The following HRK variants were observed in gnomAD, a reference collection of about 807,000 sequenced individuals.
The protein encoded by HRK is harakiri, BCL2 interacting protein.
Under a neutral mutation model 5.9 loss-of-function variants are expected in HRK, and 6 were observed. That is an observed-to-expected ratio of 1.02 (90% CI 0.56 to 2.01). The LOEUF (loss-of-function observed/expected upper bound fraction) is 2.01. HRK is among the 30% of genes most tolerant of loss of function. HRK has a pLI of 0.00. For synonymous variants in HRK, 85 were observed against 65.1 expected, an observed-to-expected ratio of 1.31 and a Z score of -1.47; for missense variants, 133 against 128.3, an observed-to-expected ratio of 1.04 and a Z score of -0.18.
At chr12:116,877,502 C>T (rs1274547826) in intron 1 of HRK, among the ~76,000 whole-genome samples, 1 of 152,236 alleles carries the variant, frequency 6.6e-6, no homozygotes, top group East Asian at 1.9e-4. Context: ...TTAAGAGTCT[C>T]TTAACCATTA....
intron 1 of HRK, chr12:116,869,375 G>A (rs1156439719): frequency 6.6e-6 from 1 of 152,114 alleles, no homozygotes; most frequent in East Asian, 1.9e-4. Context: ...TACTGCACTG[G>A]AGTAGATTAT....
At chr12:116,865,067 C>T (rs758457938) in intron 1 of HRK, among the ~76,000 whole-genome samples, 4 of 152,162 alleles carry the variant, frequency 2.6e-5, no homozygotes, top group Non-Finnish European at 4.4e-5. Flanking sequence ...CTTGAACCCA[C>T]AAGGTCCTGC....
chr12:116,873,279 C>T (rs1565884699), intron 1 of HRK, among the ~76,000 whole-genome samples: 1 of 152,172 alleles, frequency 6.6e-6, no homozygotes, highest in Non-Finnish European at 1.5e-5. Context: ...GGATTACAGG[C>T]ACATGCCACC....
chr12:116,873,484 C>T (rs916460322), intron 1 of HRK, among the ~76,000 whole-genome samples: 1 of 103,720 alleles, frequency 9.6e-6, no homozygotes, highest in African/African-American at 2.5e-5. Context: ...ATCCTCCTAC[C>T]TCACTCAGCC....
At chr12:116,873,962 G>T (rs556706599) in intron 1 of HRK, among the ~76,000 whole-genome samples, 136 of 152,332 alleles carry the variant, frequency 8.9e-4, no homozygotes, top group Non-Finnish European at 1.4e-3. Context: ...AGCCAGTGCT[G>T]AGTTGAATGG....
intron 1 of HRK, 107 bp downstream of exon 1, chr12:116,880,869 A>G: frequency 2.7e-6 from 1 of 377,252 alleles, no homozygotes; most frequent in Non-Finnish European, 4.6e-6. Context: ...GAAGAAGGAG[A>G]AGGGAAAAGA....
chr12:116,868,970 T>C (rs2137248269), intron 1 of HRK, among the ~76,000 whole-genome samples: 1 of 42,578 alleles, frequency 2.3e-5, no homozygotes, highest in Non-Finnish European at 1.2e-4. Context: ...TCTTCTTCGT[T>C]TTTTTTTTTT....
At position 116,878,386 on chromosome 12, in the gene HRK, C is replaced by A. The variant is rs1279848044; in HGVS notation, c.*56+2590G>T. ...TTTAGGGTAGGGAAGGTGGAGAGCA[C>A]CCCATATCCAGCATAGAACGCAACA... On this transcript the variant is annotated intron_variant, in intron 1 of 1. Coordinates refer to ENST00000257572, the MANE Select transcript of HRK (RefSeq NM_003806.4). This position sits in a 1 kb window ranked among gnomAD's most constrained non-coding sequence, Gnocchi z 4.4. 3 of 152,274 alleles carry A rather than the reference C, an allele frequency of 2.0e-5. No homozygotes were observed. 9.4% of individuals were successfully genotyped at this position (152,274 alleles called of 1,614,324 possible). A position where few individuals can be genotyped will look rare whatever the true frequency, so the allele number is the denominator to read the frequency against.
rs1007470542 is a variant in HRK at position 116,879,822 on chromosome 12, G to T, written c.*56+1154C>A. ...TCAGGCGCCGCTCCAACTTCCCAGG[G>T]TGTCTGCGGCGCGCGGCGGGGCTCG... On this transcript the variant is annotated intron_variant, in intron 1 of 1. Transcript: ENST00000257572. The surrounding 1 kb of genome is among the most constrained non-coding windows in gnomAD (Gnocchi z 5.6). 2.0e-5 allele frequency among the ~76,000 whole-genome samples: 3 copies of T among 152,208 alleles called. No homozygotes were observed. The highest frequency in any genetic ancestry group is 7.2e-5 in the African/African-American group (3 of 41,462).
chr12:116,872,177 T>C (rs979287092), intron 1 of HRK, among the ~76,000 whole-genome samples: 3 of 152,124 alleles, frequency 2.0e-5, no homozygotes, highest in African/African-American at 7.2e-5. Context: ...GAGACCAGGA[T>C]GGCCAATGTA....
At chr12:116,880,361 G>A (rs1470789027) in intron 1 of HRK, among the ~76,000 whole-genome samples, 1 of 152,162 alleles carries the variant, frequency 6.6e-6, no homozygotes, top group African/African-American at 2.4e-5. Context: ...AAGTTGGCAG[G>A]GCAGAGGAAA....
intron 1 of HRK, among the ~76,000 whole-genome samples, chr12:116,877,901 C>T (rs1284059463): frequency 1.2e-4 from 19 of 152,128 alleles, no homozygotes; most frequent in Non-Finnish European, 1.2e-4. Flanking sequence ...TGTATATACA[C>T]ATATATGTTT....
rs1565881977 is a variant in HRK at position 116,862,707 on chromosome 12, T to TG, written c.*57-1242_*57-1241insC. ...CTTGTACACCTTAAAAAGGTAGGGT[T>TG]TTTTGTTTGTTTGTTTGTTTGTTTG... is the stretch of plus-strand genomic sequence containing the variant. On this transcript the variant is annotated intron_variant, in intron 1 of 1. Transcript: ENST00000257572. This position sits in a 1 kb window ranked among gnomAD's most constrained non-coding sequence, Gnocchi z 4.0. 2.5e-5 allele frequency among the ~76,000 whole-genome samples: 3 copies of TG among 118,910 alleles called. No individual in the cohort carries two copies. Among genetic ancestry groups the TG allele is most frequent in the African/African-American group, 2.9e-5 (1 of 34,088 alleles). 78.0% of individuals were successfully genotyped at this position (118,910 alleles called of 152,430 possible).
At chr12:116,873,063 CCTT>C (rs796896548) in intron 1 of HRK, among the ~76,000 whole-genome samples, 8 of 152,336 alleles carry the variant, frequency 5.3e-5, no homozygotes, top group African/African-American at 1.9e-4. Flanking sequence ...GCTACTCAGA[CCTT>C]CTGCTCAAAG....
chr12:116,876,245 C>T (rs1878922240), intron 1 of HRK, among the ~76,000 whole-genome samples: 2 of 152,228 alleles, frequency 1.3e-5, no homozygotes, highest in African/African-American at 4.8e-5. Context: ...CTGGCCCCTT[C>T]CCGGGGGGTT....
Position 116,857,935 on chromosome 12 carries a change from T to G in HRK, c.*3588A>C, listed in dbSNP as rs1036371315. The G allele has an allele frequency of 1.3e-5, 2 of 151,976 alleles. No individual in the cohort carries two copies. Among genetic ancestry groups the G allele is most frequent in the Non-Finnish European group, 2.9e-5 (2 of 68,068 alleles). 9.4% of individuals were successfully genotyped at this position (151,976 alleles called of 1,614,324 possible). A position where few individuals can be genotyped will look rare whatever the true frequency, so the allele number is the denominator to read the frequency against. On this transcript the variant is annotated 3_prime_UTR_variant, in exon 2 of 2. Transcript: ENST00000257572. ...CGAGCGTGGTGGTGGGTGCCTGTAA[T>G]CCCAGCTACTCAGGAGGCTGAGGCA...
chr12:116,869,035 A>G (rs571789792), intron 1 of HRK, among the ~76,000 whole-genome samples: 1 of 151,524 alleles, frequency 6.6e-6, no homozygotes, highest in Admixed American at 6.6e-5. Flanking sequence ...GTGCAGTGGC[A>G]CAATCATAGC....
chr12:116,881,156 C>G lies in HRK; in HGVS notation c.152G>C (p.Arg51Pro), dbSNP rs1173731899. The change falls in exon 1 of 2, where the codon CGG (arginine) becomes CCG (proline). Residue 51 changes from arginine to proline, a missense_variant. By Grantham distance (103) the Arg-to-Pro change is moderately radical. Coordinates refer to ENST00000257572, the MANE Select transcript of HRK (RefSeq NM_003806.4). ...CGCCCTCCGGCTCCGCGCGCGGCGCCGCCACATGGTGCGCTGGTGCAGCTC... is the reference window on the plus strand; with the variant it reads ...CGCCCTCCGGCTCCGCGCGCGGCGCGGCCACATGGTGCGCTGGTGCAGCTC... ...GDELHQRTMW[R>P]RRARSRRAPA... 3 of 1,181,158 alleles carry G rather than the reference C, an allele frequency of 2.5e-6. No individual in the cohort carries two copies. Among genetic ancestry groups the G allele is most frequent in the Non-Finnish European group, 3.1e-6 (3 of 957,142 alleles). The allele number at this position is 1,181,158 out of a possible 1,614,324, so 73.2% of individuals were successfully genotyped here.
chr12:116,862,825 G>C lies in HRK; in HGVS notation c.*57-1359C>G, dbSNP rs1878413986. ...CAGCTCACTGCAACCTCTGCCTCCT[G>C]GGTTCAAGCAACCTCTGCCTCCTGC... On this transcript the variant is annotated intron_variant, in intron 1 of 1. Coordinates refer to ENST00000257572, the MANE Select transcript of HRK (RefSeq NM_003806.4). This position sits in a 1 kb window ranked among gnomAD's most constrained non-coding sequence, Gnocchi z 4.0. Among the ~76,000 whole-genome samples the C allele has an allele frequency of 6.6e-6, 1 of 152,136 alleles. No homozygotes were observed. The highest frequency in any genetic ancestry group is 1.5e-5 in the Non-Finnish European group (1 of 68,016).
Sources: gnomAD v4.1 joint callset for allele counts (sites outside exome capture counted in the v4.1 genomes callset) on GRCh38, gnomAD v4.1.1 for gene constraint, Gnocchi (gnomAD v3.1) non-coding constraint, MANE v1.5 for transcripts, NCBI Gene and HGNC (gene_info 2026-07-23, HGNC 2026-07-21) for gene names.